The following CCDC73 variants were observed in gnomAD, a reference collection of about 807,000 sequenced individuals.
CCDC73 encodes the protein coiled-coil domain containing 73.
A neutral mutation model predicts 116.5 loss-of-function variants in CCDC73; 95 were observed. The ratio of observed to expected loss-of-function variants is 0.82; its 90% CI spans 0.69 to 0.97. CCDC73 has a LOEUF of 0.97. Among genes scored for constraint, CCDC73 ranks in the 50% least tolerant of loss-of-function variants. CCDC73 has a pLI of 0.00. For missense variants in CCDC73, 1,066 were observed against 1,206.8 expected (o/e 0.88, Z 1.73); for synonymous variants, 398 against 401.3 (o/e 0.99, Z 0.10).
chr11:32,693,209 A>C (rs1856276522), intron 6 of CCDC73, among the ~76,000 whole-genome samples: 1 of 152,236 alleles, frequency 6.6e-6, no homozygotes, highest in Non-Finnish European at 1.5e-5. Context: ...GAAAGGAAAA[A>C]GGGAGAAAGA....
chr11:32,725,221 A>G (rs1850021049), intron 2 of CCDC73, among the ~76,000 whole-genome samples: 1 of 152,134 alleles, frequency 6.6e-6, no homozygotes, highest in South Asian at 2.1e-4. Context: ...AGGTTAATAT[A>G]ATACAATAAG....
intron 2 of CCDC73, among the ~76,000 whole-genome samples, chr11:32,745,378 C>G (rs951432316): frequency 6.6e-6 from 1 of 152,130 alleles, no homozygotes; most frequent in African/African-American, 2.4e-5. Flanking sequence ...AATGTATATT[C>G]TGTTGATTTG....
intron 2 of CCDC73, among the ~76,000 whole-genome samples, chr11:32,748,375 T>C (rs1850258910): frequency 6.6e-6 from 1 of 152,224 alleles, no homozygotes; most frequent in African/African-American, 2.4e-5. Flanking sequence ...GATAACAAAT[T>C]AATACTGATT....
At chr11:32,611,378 A>G (rs1307100244) in intron 16 of CCDC73, 113 bp from the exon 17 acceptor site, 4 of 893,858 alleles carry the variant, frequency 4.5e-6, no homozygotes, top group South Asian at 1.9e-5. Context: ...ACAAATTTCT[A>G]TTTTAATGTT....
chr11:32,704,827 G>A (rs570434790), intron 3 of CCDC73, among the ~76,000 whole-genome samples: 1 of 152,316 alleles, frequency 6.6e-6, no homozygotes, highest in East Asian at 1.9e-4. Flanking sequence ...GCCAGACTCA[G>A]ACACTCATCT....
At chr11:32,739,415 TTTGA>T (rs1850164201) in intron 2 of CCDC73, among the ~76,000 whole-genome samples, 2 of 152,144 alleles carry the variant, frequency 1.3e-5, no homozygotes, top group South Asian at 2.1e-4. Flanking sequence ...CATTCAATTC[TTTGA>T]TTAAGTTATT....
At chr11:32,667,917 G>C (rs1231892336) in intron 9 of CCDC73, among the ~76,000 whole-genome samples, 1 of 152,206 alleles carries the variant, frequency 6.6e-6, no homozygotes, top group East Asian at 1.9e-4. Context: ...CAGTGGAATG[G>C]TTAAGATCAG....
chr11:32,645,639 G>A (rs576946756), intron 12 of CCDC73, among the ~76,000 whole-genome samples: 6 of 152,044 alleles, frequency 3.9e-5, no homozygotes, highest in African/African-American at 1.4e-4. Context: ...ATGATAAGTA[G>A]TATAGTATAA....
intron 8 of CCDC73, 29 bp downstream of exon 8, chr11:32,675,857 T>C (rs1158607097): frequency 2.6e-6 from 4 of 1,523,412 alleles, no homozygotes; most frequent in Non-Finnish European, 3.6e-6. Context: ...CTCTACTGAA[T>C]ATGTATATTT....
intron 9 of CCDC73, among the ~76,000 whole-genome samples, chr11:32,663,559 T>A (rs567753042): frequency 1.3e-5 from 2 of 152,368 alleles, no homozygotes; most frequent in South Asian, 2.1e-4. Context: ...AAGTTGCTTA[T>A]CAGCTTAAGG....
rs865848726 is a variant in CCDC73 at position 32,748,684 on chromosome 11, A to C, written c.135+11425T>G. On this transcript the variant is annotated intron_variant, in intron 2 of 17. Transcript: ENST00000335185. The stretch of plus-strand genomic sequence containing the variant: ...TCAGATGATTTCTTATCACTGATTA[A>C]CATCCTTTTCTTTTGGACTGAAGAC... Among the ~76,000 whole-genome samples the C allele has an allele frequency of 5.9e-5, 9 of 152,330 alleles. No individual in the cohort carries two copies. The South Asian group carries it at 8.3e-4, about 14-fold the overall frequency.
the CCDC73 span, among the ~76,000 whole-genome samples, chr11:32,801,493 T>C: frequency 3.3e-5 from 5 of 152,080 alleles, no homozygotes; most frequent in Non-Finnish European, 5.9e-5. Flanking sequence ...ATACAGAAAT[T>C]AGCCCGGCGT....
chr11:32,763,106 A>G (rs2089692), intron 1 of CCDC73, among the ~76,000 whole-genome samples: 89,103 of 151,542 alleles, frequency 0.59, 26,459 homozygotes, highest in East Asian at 0.84. Context: ...CAGGAAACCC[A>G]AACTGGGTGG....
At chr11:32,676,055 A>G in intron 7 of CCDC73, 34 bp from the exon 8 acceptor site, 2 of 1,531,886 alleles carry the variant, frequency 1.3e-6, no homozygotes, top group Non-Finnish European at 1.8e-6. Flanking sequence ...TGTTATACAT[A>G]TAACACACAC....
rs112006716 is a variant in CCDC73 at position 32,777,218 on chromosome 11, G to A, written c.-15-16960C>T. On this transcript the variant is annotated intron_variant, in intron 1 of 17. Transcript: ENST00000335185. Reference sequence around the variant, plus strand: ...CCTCCTGTGTTCAAGTGATTCTCCCGCCTCAGCCTCCCAAGTAGCTGGGAC... The same window carrying A: ...CCTCCTGTGTTCAAGTGATTCTCCCACCTCAGCCTCCCAAGTAGCTGGGAC... Among the ~76,000 whole-genome samples the A allele has an allele frequency of 4.1e-4, 60 of 147,848 alleles. 1 individual carries two copies. In the South Asian group the frequency reaches 7.5e-3, roughly 18 times the overall value.
intron 9 of CCDC73, among the ~76,000 whole-genome samples, chr11:32,656,491 T>A (rs2133265061): frequency 6.6e-6 from 1 of 152,302 alleles, no homozygotes; most frequent in East Asian, 1.9e-4. Context: ...GTCTTGGATA[T>A]TGGATTAGTT....
chr11:32,611,094 C>T, intron 17 of CCDC73, 38 bp downstream of exon 17: 1 of 1,606,492 alleles, frequency 6.2e-7, no homozygotes, highest in Non-Finnish European at 8.5e-7. Flanking sequence ...AGAATTAGCT[C>T]ACTAAGGTCT....
chr11:32,738,356 A>G (rs1192720502), intron 2 of CCDC73, among the ~76,000 whole-genome samples: 1 of 152,130 alleles, frequency 6.6e-6, no homozygotes, highest in Admixed American at 6.6e-5. Context: ...CATATCCTCA[A>G]CAACATTTGT....
At chr11:32,739,183 T>A (rs753204581) in intron 2 of CCDC73, among the ~76,000 whole-genome samples, 1 of 152,162 alleles carries the variant, frequency 6.6e-6, no homozygotes, top group South Asian at 2.1e-4. Context: ...TCTGGGTCTT[T>A]CGTGGTTCCA....
Sources: allele counts gnomAD v4.1 joint callset (sites outside exome capture counted in the v4.1 genomes callset), GRCh38; gene constraint gnomAD v4.1.1; transcripts MANE v1.5; gene names NCBI Gene and HGNC (gene_info 2026-07-23, HGNC 2026-07-21).